The following MYH16 variants were observed in gnomAD, a reference collection of about 807,000 sequenced individuals.
The protein encoded by MYH16 is myosin heavy chain 16, also known as putative uncharacterized protein MYH16.
chr7:99,294,566 TA>T lies in MYH16; in HGVS notation n.4282+417del, dbSNP rs1165811592. On this transcript the variant is annotated intron_variant and non_coding_transcript_variant, in intron 33 of 41. Coordinates refer to ENST00000439784, the Ensembl canonical transcript of MYH16. ...AAAAGAAAAAAAAAATATATATATA[TA>T]TTTTTTTTCTTTTTTGAGATGGAAT... Among the ~76,000 whole-genome samples the T allele has an allele frequency of 1.4e-3, 186 of 133,180 alleles. 2 individuals are homozygous for T. Among genetic ancestry groups the T allele is most frequent in the African/African-American group, 4.8e-3 (168 of 34,664 alleles). 87.4% of individuals were successfully genotyped at this position (133,180 alleles called of 152,430 possible). A position where few individuals can be genotyped will look rare whatever the true frequency, so the allele number is the denominator to read the frequency against.
At chr7:99,285,352 G>A in intron 26 of MYH16, 30 bp from the exon 9 acceptor site, 1 of 456,634 alleles carries the variant, frequency 2.2e-6, no homozygotes, top group Non-Finnish European at 4.4e-6. Context: ...GCCTGGCAGA[G>A]ATGAATCCCC....
intron 18 of MYH16, among the ~76,000 whole-genome samples, chr7:99,269,401 G>A (rs925562977): frequency 1.3e-5 from 2 of 151,494 alleles, no homozygotes; most frequent in Admixed American, 1.3e-4. Flanking sequence ...TCAGCCTCTC[G>A]AGTAGCTGGG....
At chr7:99,245,834 C>CT (rs577345668) in intron 2 of MYH16, among the ~76,000 whole-genome samples, 30 of 151,904 alleles carry the variant, frequency 2.0e-4, no homozygotes, top group African/African-American at 4.3e-4. Flanking sequence ...CCTTTCTGTT[C>CT]TTTTTTTTAA....
At chr7:99,277,685 G>T (rs1002526675) in exon 21 of MYH16, 1 of 456,680 alleles carries the variant, frequency 2.2e-6, no homozygotes, top group Admixed American at 2.3e-5. Flanking sequence ...GCCAGGAGAA[G>T]AATGACCTCA....
chr7:99,243,393 G>C (rs770291747), exon 2 of MYH16: 1 of 152,694 alleles, frequency 6.5e-6, no homozygotes, highest in African/African-American at 2.4e-5. Flanking sequence ...GACAATCTGC[G>C]CCAACGCTAC....
At chr7:99,277,085 G>A (rs945410619) in intron 20 of MYH16, among the ~76,000 whole-genome samples, 4 of 151,784 alleles carry the variant, frequency 2.6e-5, no homozygotes, top group Non-Finnish European at 4.4e-5. Flanking sequence ...AACAGTGGGC[G>A]AGTGAGAGAG....
At chr7:99,308,237 G>A (rs1270529915), downstream of MYH16, among the ~76,000 whole-genome samples, 1 of 140,440 alleles carries the variant, frequency 7.1e-6, no homozygotes, top group Non-Finnish European at 1.5e-5. Context: ...ACGAGTTGCA[G>A]TGAGCCAAGA....
intron 41 of MYH16, 22 bp from the exon 23 acceptor site, chr7:99,306,587 T>G (rs1243406390): frequency 3.3e-5 from 5 of 152,534 alleles, no homozygotes; most frequent in African/African-American, 1.2e-4. Context: ...ATGCCCCGTT[T>G]CCCGCCGTGC....
intron 2 of MYH16, among the ~76,000 whole-genome samples, chr7:99,246,235 A>G (rs1791728051): frequency 6.6e-6 from 1 of 151,846 alleles, no homozygotes; most frequent in African/African-American, 2.4e-5. Context: ...AAAAGAAAAA[A>G]AAAAGAGAAA....
chr7:99,277,916 T>TGTGTGAGA (rs1478749471), intron 21 of MYH16, among the ~76,000 whole-genome samples: 2 of 132,226 alleles, frequency 1.5e-5, no homozygotes, highest in African/African-American at 6.0e-5. Flanking sequence ...TGTGTGTGTG[T>TGTGTGAGA]GAGAGAGAGA....
At chr7:99,309,339 ATCTTTCAGTAATGGTGG>A (rs1325111960), downstream of MYH16, among the ~76,000 whole-genome samples, 8 of 152,146 alleles carry the variant, frequency 5.3e-5, no homozygotes, top group African/African-American at 1.9e-4. Flanking sequence ...ACGATTCGCT[ATCTTTCAGTAATGGTGG>A]TCAGTTTGGG....
In MYH16 at chr7:99,285,362, C is replaced by T. The variant is rs763129769; in HGVS notation, n.3317-20C>T. ...ACTTTGCCTGGCAGAGATGAATCCC[C>T]TCCCTCCTCTGTCTGCTAGGACCGA... On this transcript the variant is annotated intron_variant and non_coding_transcript_variant, in intron 26 of 41. Transcript: ENST00000439784. The T allele has an allele frequency of 2.2e-6, 1 of 456,604 alleles. No individual in the cohort carries two copies. Among genetic ancestry groups the T allele is most frequent in the Non-Finnish European group, 4.4e-6 (1 of 226,964 alleles). 28.3% of individuals were successfully genotyped at this position (456,604 alleles called of 1,614,324 possible). A position where few individuals can be genotyped will look rare whatever the true frequency, so the allele number is the denominator to read the frequency against.
At chr7:99,299,927 T>TTTTATTTTATTTATTTA (rs1405217065) in intron 37 of MYH16, among the ~76,000 whole-genome samples, 276 of 138,222 alleles carry the variant, frequency 2.0e-3, no homozygotes, top group African/African-American at 6.8e-3. Flanking sequence ...TTTTATTTTA[T>TTTTATTTTATTTATTTA]TTTATTTATT....
At chr7:99,245,250 A>C (rs921981656) in intron 2 of MYH16, among the ~76,000 whole-genome samples, 2 of 152,326 alleles carry the variant, frequency 1.3e-5, no homozygotes, top group East Asian at 1.9e-4. Context: ...GTTTGTACTT[A>C]ATAAGTTTCC....
exon 13 of MYH16, chr7:99,261,576 G>C (rs1282474125): frequency 6.5e-6 from 1 of 154,878 alleles, no homozygotes; most frequent in African/African-American, 2.4e-5. Flanking sequence ...TGAAGCCCAA[G>C]GGGGGCAAGA....
At chr7:99,285,556 A>C in intron 27 of MYH16, 118 bp downstream of exon 9, 1 of 414,166 alleles carries the variant, frequency 2.4e-6, no homozygotes. Context: ...TCCAGCTAAA[A>C]AGTCTAGTTG....
intron 33 of MYH16, among the ~76,000 whole-genome samples, chr7:99,294,831 G>A (rs1231103392): frequency 6.6e-6 from 1 of 152,018 alleles, no homozygotes; most frequent in Non-Finnish European, 1.5e-5. Context: ...CTCCCTAAGT[G>A]CCAGGATTAT....
At chr7:99,273,502 C>A in intron 20 of MYH16, 79 bp downstream of exon 2, 1 of 446,652 alleles carries the variant, frequency 2.2e-6, no homozygotes, top group Admixed American at 2.4e-5. Context: ...GACAGAGATG[C>A]CCCTCGGGAG....
chr7:99,265,950 GAA>G (rs1791982902), intron 17 of MYH16, among the ~76,000 whole-genome samples: 1 of 152,172 alleles, frequency 6.6e-6, no homozygotes, highest in Non-Finnish European at 1.5e-5. Context: ...TTGGCAAGCT[GAA>G]AGTCCTGGGA....
Sources: allele counts gnomAD v4.1 joint callset (sites outside exome capture counted in the v4.1 genomes callset), GRCh38; gene constraint gnomAD v4.1.1; transcripts MANE v1.5; gene names NCBI Gene and HGNC (gene_info 2026-07-23, HGNC 2026-07-21).